The following PTPRZ1 variants were observed in gnomAD, a reference collection of about 807,000 sequenced individuals.
PTPRZ1 encodes the protein protein tyrosine phosphatase receptor type Z1, also known as receptor-type tyrosine-protein phosphatase zeta.
Under a neutral mutation model 214.1 loss-of-function variants are expected in PTPRZ1, and 82 were observed. The observed-to-expected ratio is 0.38, with a 90% CI of 0.32 to 0.46. The LOEUF (loss-of-function observed/expected upper bound fraction) is 0.46, where lower values mean the gene tolerates loss of function less well. PTPRZ1 is among the 20% of genes least tolerant of loss of function. The pLI, the probability that PTPRZ1 is intolerant of heterozygous loss-of-function variation, is 1.00. For synonymous variants in PTPRZ1, 945 were observed against 987.9 expected (o/e 0.96, Z 0.81); for missense variants, 2,603 against 2,748.7 (o/e 0.95, Z 1.19).
intron 13 of PTPRZ1, 81 bp downstream of exon 13, chr7:122,019,349 C>A (rs1037066157): frequency 1.7e-5 from 23 of 1,371,406 alleles, no homozygotes; most frequent in Non-Finnish European, 2.3e-5. Context: ...GTCTTCAAAG[C>A]ATATTCAAAA....
At position 121,936,860 on chromosome 7, in the gene PTPRZ1, AGG is replaced by A. The variant is rs1325942259; in HGVS notation, c.124+8640_124+8641del. Among the ~76,000 whole-genome samples, 3 of 152,340 alleles carry A rather than the reference AGG, an allele frequency of 2.0e-5. No individual in the cohort carries two copies. In the East Asian group the frequency reaches 5.8e-4, roughly 29 times the overall value. On this transcript the variant is annotated intron_variant, in intron 2 of 29. Transcript: ENST00000393386. ...GAGAGTTGCACATTGTCGCAGAGTC[AGG>A]AGCTTGTGAAATTACAGTGGCAAAC...
chr7:122,025,483 C>G (rs1011530581), intron 13 of PTPRZ1, among the ~76,000 whole-genome samples: 2 of 151,966 alleles, frequency 1.3e-5, no homozygotes, highest in African/African-American at 4.8e-5. Flanking sequence ...GCATGTGCCA[C>G]CATGCCCGGC....
rs139223384 is a variant in PTPRZ1 at position 122,006,373 on chromosome 7, A to G, written c.1287+1713A>G. 5.6e-3 allele frequency among the ~76,000 whole-genome samples: 858 copies of G among 152,120 alleles called. 7 individuals are homozygous for G. Among genetic ancestry groups the G allele is most frequent in the African/African-American group, 0.02 (813 of 41,512 alleles). The stretch of plus-strand genomic sequence containing the variant: ...TCTAGCTGTAATTTTGTATCATTTA[A>G]CCAATCTCTGCCTGTCGCCCCCTCG... On this transcript the variant is annotated intron_variant, in intron 11 of 29. Transcript: ENST00000393386.
intron 22 of PTPRZ1, among the ~76,000 whole-genome samples, chr7:122,043,896 A>T (rs1009028647): frequency 6.6e-6 from 1 of 152,190 alleles, no homozygotes; most frequent in African/African-American, 2.4e-5. Context: ...AAACCTGCAC[A>T]TGTACCCCTG....
chr7:121,902,247 C>T (rs1563008962), intron 1 of PTPRZ1, among the ~76,000 whole-genome samples: 1 of 152,110 alleles, frequency 6.6e-6, no homozygotes, highest in South Asian at 2.1e-4. Context: ...ATTCATTTAT[C>T]CATTGATGGA....
intron 1 of PTPRZ1, among the ~76,000 whole-genome samples, chr7:121,925,143 C>T (rs1795717509): frequency 1.3e-5 from 2 of 152,248 alleles, no homozygotes; most frequent in South Asian, 4.1e-4. Context: ...CTGTACAAAC[C>T]ACTTATGTTT....
At chr7:122,037,050 A>T (rs1406274901) in intron 18 of PTPRZ1, among the ~76,000 whole-genome samples, 4 of 151,398 alleles carry the variant, frequency 2.6e-5, no homozygotes, top group African/African-American at 9.7e-5. Flanking sequence ...AGGCAGGCGG[A>T]TCACGAGGTC....
At chr7:121,908,962 G>A in intron 1 of PTPRZ1, 2 of 517,242 alleles carry the variant, frequency 3.9e-6, no homozygotes, top group Non-Finnish European at 7.7e-6. Flanking sequence ...TAGCAGACAT[G>A]TTAGACTTTA....
Position 122,043,350 on chromosome 7 carries a change from C to T in PTPRZ1, c.5937+607C>T, listed in dbSNP as rs1340197179. On this transcript the variant is annotated intron_variant, in intron 22 of 29. Coordinates refer to ENST00000393386, the MANE Select transcript of PTPRZ1 (RefSeq NM_002851.3). ...AAGTCTAAGTAGAGTGGTCCACACA[C>T]ATCCTTGCTAGCAAAAATCTCAAGT... 6.6e-5 allele frequency among the ~76,000 whole-genome samples: 10 copies of T among 152,298 alleles called. No homozygotes were observed. In the East Asian group the frequency reaches 9.6e-4, roughly 15 times the overall value.
intron 1 of PTPRZ1, among the ~76,000 whole-genome samples, chr7:121,899,927 A>C (rs537235327): frequency 6.6e-6 from 1 of 152,214 alleles, no homozygotes; most frequent in African/African-American, 2.4e-5. Flanking sequence ...CACTGTTTCC[A>C]GTGGCTAAAC....
chr7:122,042,851 T>G (rs957117569), intron 22 of PTPRZ1, 108 bp downstream of exon 22: 3 of 1,232,996 alleles, frequency 2.4e-6, no homozygotes, highest in Non-Finnish European at 3.5e-6. Context: ...ACAAACTGGG[T>G]GGGTTAGAAC....
Position 121,984,112 on chromosome 7 carries a change from A to G in PTPRZ1, c.923A>G (p.Glu308Gly). The G allele has an allele frequency of 6.2e-7, 1 of 1,611,880 alleles. No homozygotes were observed. ...SSYTGKEEIH[E>G]AVCSSEPENV... ...TACACTGGAAAGGAAGAGATTCATG[A>G]AGCAGGTATGTATTTAAATATAATC... The change falls in exon 8 of 30, where the codon GAA becomes GGA. Residue 308 changes from glutamate to glycine, a missense_variant. By Grantham distance (98) the Glu-to-Gly change is moderately conservative (BLOSUM62 -2). Around this residue, in one of 6 missense-constraint regions of PTPRZ1, gnomAD observed 244 missense variants for 333.2 expected, o/e 0.73. Transcript: ENST00000393386.
At chr7:121,958,525 C>G (rs2116479439) in intron 2 of PTPRZ1, among the ~76,000 whole-genome samples, 1 of 152,312 alleles carries the variant, frequency 6.6e-6, no homozygotes, top group East Asian at 1.9e-4. Flanking sequence ...AAGTATTTCA[C>G]CCATATCTGT....
At chr7:121,891,631 A>G (rs1794625981) in intron 1 of PTPRZ1, among the ~76,000 whole-genome samples, 1 of 151,786 alleles carries the variant, frequency 6.6e-6, no homozygotes, top group Non-Finnish European at 1.5e-5. Flanking sequence ...ACATCATATA[A>G]TCACATTTTT....
chr7:122,012,951 A>T lies in PTPRZ1; in HGVS notation c.3905A>T (p.Gln1302Leu). The T allele has an allele frequency of 1.2e-6, 2 of 1,614,062 alleles. No individual in the cohort carries two copies. Among genetic ancestry groups the T allele is most frequent in the Non-Finnish European group, 1.7e-6 (2 of 1,179,904 alleles). The change falls in exon 12 of 30, where the codon CAG becomes CTG. Residue 1302 changes from glutamine to leucine, a missense_variant. Coordinates refer to ENST00000393386, the MANE Select transcript of PTPRZ1 (RefSeq NM_002851.3). ...LFQTANLEIN[Q>L]AHPPKGRHVF... is the part of the protein sequence containing the mutation. Reference sequence around the variant, plus strand: ...CAAACGGCCAATTTGGAGATTAACCAGGCCCATCCCCCAAAAGGAAGGCAT... The same window carrying T: ...CAAACGGCCAATTTGGAGATTAACCTGGCCCATCCCCCAAAAGGAAGGCAT...
chr7:121,952,238 G>A (rs946189619), intron 2 of PTPRZ1, among the ~76,000 whole-genome samples: 1 of 150,894 alleles, frequency 6.6e-6, no homozygotes, highest in African/African-American at 2.4e-5. Flanking sequence ...GATTACAGGC[G>A]TGAGTCACCG....
chr7:122,043,292 A>G (rs1147488), intron 22 of PTPRZ1, among the ~76,000 whole-genome samples: 7,667 of 152,288 alleles, frequency 0.05, 300 homozygotes, highest in African/African-American at 0.11. Context: ...AATATCCTTT[A>G]AAATGACACT....
intron 1 of PTPRZ1, among the ~76,000 whole-genome samples, chr7:121,899,785 C>T (rs777742038): frequency 5.3e-5 from 8 of 152,236 alleles, no homozygotes; most frequent in Admixed American, 3.9e-4. Context: ...ATGGTGTTCA[C>T]GTATTCAGAG....
chr7:121,908,730 A>C (rs561060285), intron 1 of PTPRZ1: 1 of 484,394 alleles, frequency 2.1e-6, no homozygotes, highest in African/African-American at 2.0e-5. Flanking sequence ...GTTTTCAATA[A>C]GTACATTTCA....
Sources: gnomAD v4.1 joint callset for allele counts (sites outside exome capture counted in the v4.1 genomes callset) on GRCh38, gnomAD v4.1.1 for gene constraint, gnomAD v4.1.1 regional missense constraint, MANE v1.5 for transcripts, NCBI Gene and HGNC (gene_info 2026-07-23, HGNC 2026-07-21) for gene names.